MYO3B: variants seen among roughly 807,000 people sequenced by gnomAD.
MYO3B encodes myosin IIIB.
A neutral mutation model predicts 174.6 loss-of-function variants in MYO3B; 156 were observed. The observed-to-expected ratio is 0.89, with a 90% CI of 0.78 to 1.02. MYO3B has a LOEUF of 1.02. Among genes scored for constraint, MYO3B ranks in the 50% least tolerant of loss-of-function variants. The probability of loss-of-function intolerance (pLI) is 0.00; values close to 1 mark genes in which losing one functional copy is unlikely to be tolerated. For synonymous variants in MYO3B, 563 were observed against 569.1 expected (o/e 0.99, Z 0.15); for missense variants, 1,632 against 1,639.4 (o/e 1.00, Z 0.08).
chr2:170,580,186 T>C (rs1040368309), intron 32 of MYO3B, among the ~76,000 whole-genome samples: 5 of 151,702 alleles, frequency 3.3e-5, no homozygotes, highest in Admixed American at 6.6e-5. Context: ...AAGGCATGTC[T>C]AATAGTTAAT....
chr2:170,400,399 G>GT lies in MYO3B; in HGVS notation c.1918+86dup. On this transcript the variant is annotated intron_variant, in intron 17 of 34. Coordinates refer to ENST00000408978, the MANE Select transcript of MYO3B (RefSeq NM_138995.5). ...GTAAAATATAATGCAGCATTTGCTG[G>GT]TCCTTTTTTTTTTTTTTTTTTATCG... 6.0e-6 allele frequency: 8 copies of GT among 1,336,114 alleles called. No individual in the cohort carries two copies. The South Asian group carries it at 1.3e-4, about 21-fold the overall frequency. 82.8% of individuals were successfully genotyped at this position (1,336,114 alleles called of 1,614,324 possible).
At chr2:170,383,250 A>G in intron 11 of MYO3B, 61 bp downstream of exon 11, 5 of 1,000,906 alleles carry the variant, frequency 5.0e-6, no homozygotes, top group Non-Finnish European at 7.8e-6. Flanking sequence ...ACAAGGGCAA[A>G]TGAAGAGAAA....
intron 32 of MYO3B, among the ~76,000 whole-genome samples, chr2:170,649,186 TAATA>T (rs1349076073): frequency 3.0e-5 from 2 of 65,912 alleles, no homozygotes; most frequent in Non-Finnish European, 5.0e-5. Flanking sequence ...ATATATAAAA[TAATA>T]TATATTATAT....
At position 170,498,740 on chromosome 2, in the gene MYO3B, ATTTC is replaced by A. The variant is rs769885708; in HGVS notation, c.3126+41_3126+44del. 2.4e-5 allele frequency: 33 copies of A among 1,371,954 alleles called. No individual in the cohort carries two copies. In the South Asian group the frequency reaches 2.6e-4, roughly 11 times the overall value. 85.0% of individuals were successfully genotyped at this position (1,371,954 alleles called of 1,614,324 possible). The stretch of plus-strand genomic sequence containing the variant: ...TTTATTGTTCAAATTGTCCCGTATG[ATTTC>A]TTTGTCTCTTGTCAGTGATGTCACT... On this transcript the variant is annotated intron_variant, in intron 26 of 34. Transcript: ENST00000408978.
At chr2:170,574,521 A>G (rs1279491328) in intron 32 of MYO3B, among the ~76,000 whole-genome samples, 2 of 152,166 alleles carry the variant, frequency 1.3e-5, no homozygotes, top group Non-Finnish European at 2.9e-5. Context: ...GCAGAAGATA[A>G]ATAAGAATAT....
In MYO3B at chr2:170,347,593, T is replaced by A. The variant is rs28669291; in HGVS notation, c.815+12143T>A. Among the ~76,000 whole-genome samples, 547 of 152,114 alleles carry A rather than the reference T, an allele frequency of 3.6e-3. 8 individuals are homozygous for A. Among genetic ancestry groups the A allele is most frequent in the African/African-American group, 0.013 (525 of 41,486 alleles). ...TCCTGCCTGGGTGATGGAGTGAGAC[T>A]GTCTCGAAAAAAAATAAAAAGAAAA... On this transcript the variant is annotated intron_variant, in intron 8 of 34. Transcript: ENST00000408978.
intron 28 of MYO3B, among the ~76,000 whole-genome samples, chr2:170,509,707 C>T (rs1158175737): frequency 6.7e-6 from 1 of 149,522 alleles, no homozygotes; most frequent in African/African-American, 2.6e-5. Context: ...GTTTGAGGCC[C>T]TTTTGCAACT....
chr2:170,281,428 A>G (rs980787760), intron 7 of MYO3B, among the ~76,000 whole-genome samples: 2 of 152,224 alleles, frequency 1.3e-5, no homozygotes, highest in African/African-American at 4.8e-5. Flanking sequence ...CTCTTGGACC[A>G]CAGTGCAATA....
chr2:170,581,627 A>T (rs1693154456), intron 32 of MYO3B, among the ~76,000 whole-genome samples: 1 of 151,754 alleles, frequency 6.6e-6, no homozygotes, highest in South Asian at 2.1e-4. Flanking sequence ...ATTTATTTTT[A>T]TATATGATAT....
At chr2:170,458,511 A>C (rs1684042409) in intron 23 of MYO3B, among the ~76,000 whole-genome samples, 1 of 152,220 alleles carries the variant, frequency 6.6e-6, no homozygotes, top group Non-Finnish European at 1.5e-5. Flanking sequence ...ACTTTTGGGA[A>C]GAATTATTTG....
chr2:170,298,695 A>T (rs887436908), intron 7 of MYO3B, among the ~76,000 whole-genome samples: 1 of 151,568 alleles, frequency 6.6e-6, no homozygotes, highest in East Asian at 1.9e-4. Context: ...AAAAAAAAAA[A>T]AAGAATTTCA....
intron 20 of MYO3B, among the ~76,000 whole-genome samples, chr2:170,404,725 C>G (rs1018295231): frequency 2.0e-5 from 3 of 152,116 alleles, no homozygotes; most frequent in Non-Finnish European, 2.9e-5. Flanking sequence ...GTGCCCCCAT[C>G]TCATGTCTTC....
chr2:170,548,158 C>CT (rs1385388323), intron 32 of MYO3B, among the ~76,000 whole-genome samples: 1 of 135,940 alleles, frequency 7.4e-6, no homozygotes, highest in Non-Finnish European at 1.6e-5. Flanking sequence ...TGAGTAAAGG[C>CT]TTGAGGGTGG....
At chr2:170,287,101 A>G (rs948194680) in intron 7 of MYO3B, among the ~76,000 whole-genome samples, 1 of 152,054 alleles carries the variant, frequency 6.6e-6, no homozygotes, top group African/African-American at 2.4e-5. Flanking sequence ...GTGTATGTCT[A>G]CCACATTTTC....
At chr2:170,560,129 T>A (rs1468366804) in intron 32 of MYO3B, among the ~76,000 whole-genome samples, 1 of 152,210 alleles carries the variant, frequency 6.6e-6, no homozygotes, top group Non-Finnish European at 1.5e-5. Context: ...TTTCCAAGTT[T>A]AGCAACTCCT....
chr2:170,605,023 C>T (rs772311902), intron 32 of MYO3B, among the ~76,000 whole-genome samples: 4 of 152,156 alleles, frequency 2.6e-5, no homozygotes, highest in Non-Finnish European at 5.9e-5. Context: ...TTTTACTGTA[C>T]CTGTTATCTG....
chr2:170,427,099 A>G (rs1169069771), intron 22 of MYO3B, among the ~76,000 whole-genome samples: 2 of 152,198 alleles, frequency 1.3e-5, no homozygotes, highest in Non-Finnish European at 2.9e-5. Flanking sequence ...AATCATTTCT[A>G]AAGATTAATA....
intron 18 of MYO3B, among the ~76,000 whole-genome samples, chr2:170,401,916 C>T (rs973362951): frequency 2.0e-5 from 3 of 151,312 alleles, no homozygotes; most frequent in African/African-American, 4.9e-5. Flanking sequence ...GATTCAACTG[C>T]CTCCGCCTCT....
At chr2:170,458,823 C>CA in intron 23 of MYO3B, among the ~76,000 whole-genome samples, 1 of 152,274 alleles carries the variant, frequency 6.6e-6, no homozygotes, top group Non-Finnish European at 1.5e-5. Context: ...TATGAATATG[C>CA]AAATATACAA....
Sources: gnomAD v4.1 joint callset for allele counts (sites outside exome capture counted in the v4.1 genomes callset) on GRCh38, gnomAD v4.1.1 for gene constraint, MANE v1.5 for transcripts, NCBI Gene and HGNC (gene_info 2026-07-23, HGNC 2026-07-21) for gene names.